CAMK2B: variants seen among roughly 807,000 people sequenced by gnomAD.
CAMK2B encodes calcium/calmodulin dependent protein kinase II beta, also known as calcium/calmodulin-dependent protein kinase type II subunit beta.
A neutral mutation model predicts 93.7 loss-of-function variants in CAMK2B; 27 were observed. That is an observed-to-expected ratio of 0.29 (90% confidence interval 0.21 to 0.40). The LOEUF is 0.40. Ranked by LOEUF, CAMK2B falls within the 10% of genes least tolerant of loss-of-function variation. The probability of loss-of-function intolerance (pLI) is 1.00; values close to 1 mark genes in which losing one functional copy is unlikely to be tolerated. For missense variants in CAMK2B, 568 were observed against 895.8 expected (o/e 0.63, Z 4.67); for synonymous variants, 374 against 358.8 (o/e 1.04, Z -0.48).
rs974828066 is a variant in CAMK2B, at chr7:44,224,392, G to A, written c.1597+2124C>T. ...GGGGGCCCAACATGAAGAGGTGCCC[G>A]GGTCGGGAAACCTGCTGGCTGAGGA... On this transcript the variant is annotated intron_variant, in intron 20 of 23. Coordinates refer to ENST00000395749, the MANE Select transcript of CAMK2B (RefSeq NM_001220.5). The surrounding 1 kb of genome is among the most constrained non-coding windows in gnomAD (Gnocchi z 4.4). 3.3e-5 allele frequency among the ~76,000 whole-genome samples: 5 copies of A among 152,228 alleles called. No homozygotes were observed. The highest frequency in any genetic ancestry group is 4.8e-5 in the African/African-American group (2 of 41,454).
At chr7:44,287,193 G>A (rs892168552) in intron 1 of CAMK2B, among the ~76,000 whole-genome samples, 8 of 152,036 alleles carry the variant, frequency 5.3e-5, no homozygotes, top group Non-Finnish European at 7.4e-5. Flanking sequence ...CCTCTCCCAC[G>A]CCTTCTGTCC....
chr7:44,325,665 C>A (rs1287960018), upstream of CAMK2B: 3 of 147,096 alleles, frequency 2.0e-5, no homozygotes, highest in African/African-American at 7.4e-5. Context: ...GCTGTCACCG[C>A]CGCCGCCGCC....
At chr7:44,245,458 G>A (rs1424891680) in intron 6 of CAMK2B, among the ~76,000 whole-genome samples, 3 of 152,176 alleles carry the variant, frequency 2.0e-5, no homozygotes, top group Non-Finnish European at 4.4e-5. Context: ...CCCCAAATTG[G>A]GGAGGAGGTA....
In CAMK2B at chr7:44,218,122, C is replaced by A; in HGVS notation, c.*1403G>T. The A allele has an allele frequency of 6.5e-6, 1 of 152,784 alleles. No homozygotes were observed. The highest frequency in any genetic ancestry group is 1.5e-5 in the Non-Finnish European group (1 of 68,386). The allele number at this position is 152,784 out of a possible 1,614,324, so 9.5% of individuals were successfully genotyped here. ...GAAGGTGCCCTCACACGCACTGCAG[C>A]CCGCCAAGGCACTGGCACACCTGAC... On this transcript the variant is annotated 3_prime_UTR_variant, in exon 24 of 24. Coordinates refer to ENST00000395749, the MANE Select transcript of CAMK2B (RefSeq NM_001220.5).
At chr7:44,322,999 C>T (rs1563133826) in intron 1 of CAMK2B, among the ~76,000 whole-genome samples, 1 of 152,218 alleles carries the variant, frequency 6.6e-6, no homozygotes, top group Admixed American at 6.5e-5. Context: ...GGGACCCCAG[C>T]GCTGCAAATG....
intron 5 of CAMK2B, among the ~76,000 whole-genome samples, chr7:44,252,256 C>T (rs2096787465): frequency 2.0e-5 from 3 of 151,960 alleles, no homozygotes; most frequent in Admixed American, 1.3e-4. Flanking sequence ...GTGAGGGGTG[C>T]AGCATTCTGG....
chr7:44,244,214 G>T (rs951620039), intron 6 of CAMK2B, among the ~76,000 whole-genome samples: 1 of 152,224 alleles, frequency 6.6e-6, no homozygotes, highest in Non-Finnish European at 1.5e-5. Flanking sequence ...GTATCCACAG[G>T]TTGGGGGGTT....
chr7:44,246,263 G>T (rs566614128), intron 6 of CAMK2B, among the ~76,000 whole-genome samples: 1 of 152,164 alleles, frequency 6.6e-6, no homozygotes, highest in Admixed American at 6.5e-5. Flanking sequence ...GACCCTGAGT[G>T]GACATTTGTT....
At chr7:44,317,615 A>C (rs1434813907) in intron 1 of CAMK2B, among the ~76,000 whole-genome samples, 1 of 149,816 alleles carries the variant, frequency 6.7e-6, no homozygotes, top group Non-Finnish European at 1.5e-5. Context: ...AAGTTAAATA[A>C]ATATATTTTT....
At chr7:44,221,972 T>C (rs1482361243) in intron 20 of CAMK2B, among the ~76,000 whole-genome samples, 1 of 152,196 alleles carries the variant, frequency 6.6e-6, no homozygotes, top group African/African-American at 2.4e-5. Context: ...ATGCCTGTGT[T>C]CTCCTCAATC....
intron 1 of CAMK2B, among the ~76,000 whole-genome samples, chr7:44,322,676 C>T (rs769686018): frequency 1.2e-4 from 18 of 152,244 alleles, no homozygotes; most frequent in Admixed American, 2.0e-4. Context: ...TAGAGCTGGG[C>T]AGGGCAGGGC....
At chr7:44,269,788 G>C (rs573956131) in intron 2 of CAMK2B, among the ~76,000 whole-genome samples, 2 of 152,124 alleles carry the variant, frequency 1.3e-5, no homozygotes, top group Non-Finnish European at 2.9e-5. Context: ...GTCAGACCCA[G>C]AGACCGAGAG....
intron 20 of CAMK2B, chr7:44,226,057 C>T (rs2096473019): frequency 4.2e-6 from 2 of 479,848 alleles, no homozygotes; most frequent in Non-Finnish European, 3.5e-6. Context: ...CCCACCTGCT[C>T]CCTGCTGTCT....
At chr7:44,237,533 G>T (rs2096637697) in intron 13 of CAMK2B, among the ~76,000 whole-genome samples, 1 of 152,200 alleles carries the variant, frequency 6.6e-6, no homozygotes, top group African/African-American at 2.4e-5. Context: ...GCACGCCTTG[G>T]GCGCAGTGTG....
rs762017795 is a variant in CAMK2B, at chr7:44,247,108, G to A, written c.414+12C>T. 1 of 1,608,546 alleles carries A rather than the reference G, an allele frequency of 6.2e-7. No homozygotes were observed. Among genetic ancestry groups the A allele is most frequent in the South Asian group, 1.1e-5 (1 of 90,910 alleles). ...CAACAGACACCTGGCACAGAGTGGG[G>A]TGGGGACTCACCTTGAGGTCTCTGT... On this transcript the variant is annotated intron_variant, in intron 6 of 23. Coordinates refer to ENST00000395749, the MANE Select transcript of CAMK2B (RefSeq NM_001220.5).
chr7:44,315,540 T>C (rs1171758405), intron 1 of CAMK2B, among the ~76,000 whole-genome samples: 1 of 152,218 alleles, frequency 6.6e-6, no homozygotes, highest in African/African-American at 2.4e-5. Flanking sequence ...TTTTTCAAGA[T>C]TGTTTTAGCT....
chr7:44,244,474 C>T (rs2096711616), intron 6 of CAMK2B, among the ~76,000 whole-genome samples: 1 of 137,374 alleles, frequency 7.3e-6, no homozygotes, highest in Admixed American at 7.4e-5. Context: ...TTGTCCCTGA[C>T]CAGCAGGGGG....
intron 3 of CAMK2B, chr7:44,259,249 C>G (rs910749898): frequency 3.4e-6 from 1 of 293,770 alleles, no homozygotes; most frequent in Non-Finnish European, 6.7e-6. Context: ...CTTTTGGTCC[C>G]AGCCTGGGCC....
chr7:44,296,597 C>T (rs890262917), intron 1 of CAMK2B, among the ~76,000 whole-genome samples: 2 of 151,796 alleles, frequency 1.3e-5, no homozygotes, highest in Admixed American at 1.3e-4. Context: ...CAGAGAATTC[C>T]AAGCAGAAGA....
Sources: gnomAD v4.1 joint callset for allele counts (sites outside exome capture counted in the v4.1 genomes callset) on GRCh38, gnomAD v4.1.1 for gene constraint, Gnocchi (gnomAD v3.1) non-coding constraint, MANE v1.5 for transcripts, NCBI Gene and HGNC (gene_info 2026-07-23, HGNC 2026-07-21) for gene names.